PTPRN2: variants seen among roughly 807,000 people sequenced by gnomAD.
PTPRN2 encodes the protein receptor-type tyrosine-protein phosphatase N2.
PTPRN2 carries 74 observed loss-of-function variants against 118.8 expected under a neutral mutation model. That is an observed-to-expected ratio of 0.62 (90% CI 0.52 to 0.76). The LOEUF is 0.76. Ranked by LOEUF, PTPRN2 falls within the 30% of genes least tolerant of loss-of-function variation. The pLI is 0.00. For missense variants in PTPRN2, 1,481 were observed against 1,394.4 expected (o/e 1.06, Z -0.99); for synonymous variants, 641 against 608.0 (o/e 1.05, Z -0.80).
intron 2 of PTPRN2, among the ~76,000 whole-genome samples, chr7:158,351,045 G>A (rs1253897798): frequency 6.6e-6 from 1 of 152,186 alleles, no homozygotes; most frequent in East Asian, 1.9e-4. Flanking sequence ...CTCTTCCAGA[G>A]CCCACAGTTA....
rs376099761 is a variant in PTPRN2, at chr7:157,872,294, C to A, written c.1788+26379G>T. Among the ~76,000 whole-genome samples the A allele has an allele frequency of 3.7e-3, 544 of 147,016 alleles. 4 individuals carry two copies. Among genetic ancestry groups the A allele is most frequent in the African/African-American group, 0.013 (491 of 38,500 alleles). On this transcript the variant is annotated intron_variant, in intron 12 of 22. Coordinates refer to ENST00000389418, the MANE Select transcript of PTPRN2 (RefSeq NM_002847.5). ...ACACACACATACCCAGTGTCCTCCCCACACACGCATACCCAGTGTCCTCCC... is the reference window on the plus strand; with the variant it reads ...ACACACACATACCCAGTGTCCTCCCAACACACGCATACCCAGTGTCCTCCC...
chr7:158,281,736 C>G (rs1049749876), intron 3 of PTPRN2, among the ~76,000 whole-genome samples: 2 of 152,170 alleles, frequency 1.3e-5, no homozygotes, highest in Admixed American at 6.5e-5. Context: ...CCCAAGGAGT[C>G]CAGGAGCCAG....
In PTPRN2 at chr7:158,134,262, C is replaced by T. The variant is rs138260181; in HGVS notation, c.1174-203G>A. 1.5e-4 allele frequency among the ~76,000 whole-genome samples: 23 copies of T among 152,176 alleles called. 1 individual carries two copies. Among genetic ancestry groups the T allele is most frequent in the African/African-American group, 4.6e-4 (19 of 41,496 alleles). ...ATGAGGTGTGAGGGCGCTGAGTATC[C>T]GAATCACTTACGTGCTGTTTTCTCC... is the stretch of plus-strand genomic sequence containing the variant. On this transcript the variant is annotated intron_variant, in intron 8 of 22. Coordinates refer to ENST00000389418, the MANE Select transcript of PTPRN2 (RefSeq NM_002847.5).
intron 12 of PTPRN2, among the ~76,000 whole-genome samples, chr7:157,769,225 A>G (rs139797900): frequency 1.3e-4 from 20 of 152,206 alleles, no homozygotes; most frequent in African/African-American, 4.3e-4. Context: ...GCAAGGACCA[A>G]CACATGCCGG....
chr7:157,937,805 G>A (rs904399492), intron 11 of PTPRN2, among the ~76,000 whole-genome samples: 4 of 152,202 alleles, frequency 2.6e-5, no homozygotes, highest in Non-Finnish European at 2.9e-5. Context: ...ACAGTCCTGC[G>A]TATCTGCAAT....
chr7:158,013,240 T>G (rs1453126925), intron 11 of PTPRN2, among the ~76,000 whole-genome samples: 1 of 152,230 alleles, frequency 6.6e-6, no homozygotes, highest in Admixed American at 6.5e-5. Context: ...CATGGCCCTG[T>G]GCCTTCTTTT....
intron 3 of PTPRN2, among the ~76,000 whole-genome samples, chr7:158,207,374 G>A (rs1827239110): frequency 6.6e-6 from 1 of 151,934 alleles, no homozygotes; most frequent in Non-Finnish European, 1.5e-5. Context: ...GATCCCTGAG[G>A]AATCGCCACA....
intron 12 of PTPRN2, among the ~76,000 whole-genome samples, chr7:157,762,524 C>T (rs947910677): frequency 7.0e-6 from 1 of 142,002 alleles, no homozygotes; most frequent in African/African-American, 2.7e-5. Flanking sequence ...TATTCTCACT[C>T]ATAGGTGGGA....
chr7:158,336,083 A>C (rs373601101), intron 2 of PTPRN2, among the ~76,000 whole-genome samples: 2,221 of 5,940 alleles, frequency 0.37, 1,074 homozygotes, highest in African/African-American at 0.89. Flanking sequence ...AGAAGTGACA[A>C]CTGCAGACAT....
intron 12 of PTPRN2, among the ~76,000 whole-genome samples, chr7:157,796,414 C>T (rs1011182564): frequency 6.6e-6 from 1 of 152,242 alleles, no homozygotes; most frequent in African/African-American, 2.4e-5. Context: ...TCTGCTGCCC[C>T]TGCGGGGTAA....
intron 2 of PTPRN2, among the ~76,000 whole-genome samples, chr7:158,418,632 GTAC>G (rs1814987984): frequency 1.4e-5 from 2 of 146,766 alleles, no homozygotes; most frequent in Non-Finnish European, 3.0e-5. Flanking sequence ...AAGTCACGGT[GTAC>G]TACATCAAGA....
intron 5 of PTPRN2, among the ~76,000 whole-genome samples, chr7:158,190,993 C>T (rs1825716922): frequency 6.6e-6 from 1 of 152,276 alleles, no homozygotes; most frequent in South Asian, 2.1e-4. Flanking sequence ...TCAGCTTCCT[C>T]ACCTGCCTGC....
At position 157,929,347 on chromosome 7, in the gene PTPRN2, G is replaced by T. The variant is rs1799228225; in HGVS notation, c.1724-30610C>A. Reference sequence around the variant, plus strand: ...GGGGATGCTGGACAGGCATTCAGGAGACACAAATGTCAACTCCTCTGTGGG... The same window carrying T: ...GGGGATGCTGGACAGGCATTCAGGATACACAAATGTCAACTCCTCTGTGGG... On this transcript the variant is annotated intron_variant, in intron 11 of 22. Coordinates refer to ENST00000389418, the MANE Select transcript of PTPRN2 (RefSeq NM_002847.5). The surrounding 1 kb of genome is among the most constrained non-coding windows in gnomAD (Gnocchi z 4.4). Among the ~76,000 whole-genome samples the T allele has an allele frequency of 6.6e-6, 1 of 151,870 alleles. No homozygotes were observed. Among genetic ancestry groups the T allele is most frequent in the African/African-American group, 2.4e-5 (1 of 41,392 alleles).
chr7:157,935,422 G>C (rs1459200321), intron 11 of PTPRN2, among the ~76,000 whole-genome samples: 1 of 152,158 alleles, frequency 6.6e-6, no homozygotes, highest in Non-Finnish European at 1.5e-5. Flanking sequence ...CCGCTGTAAA[G>C]CCCATGCAGT....
intron 3 of PTPRN2, among the ~76,000 whole-genome samples, chr7:158,303,834 C>T (rs1458413742): frequency 1.3e-5 from 2 of 152,252 alleles, no homozygotes; most frequent in South Asian, 2.1e-4. Context: ...TCAGGGCTGA[C>T]AACTACTGCT....
At chr7:158,532,364 C>T (rs1316214683) in intron 1 of PTPRN2, among the ~76,000 whole-genome samples, 1 of 152,204 alleles carries the variant, frequency 6.6e-6, no homozygotes, top group Non-Finnish European at 1.5e-5. Flanking sequence ...CAGCCCCCAG[C>T]GTGGCTCCTG....
Position 157,674,083 on chromosome 7 carries a change from T to C in PTPRN2, c.2001+8642A>G, listed in dbSNP as rs1796544242. ...ACCCAGACCCAAGGTGTCCAATCCT[T>C]AGGGGTGACCCTCGGGCCAACACCA... On this transcript the variant is annotated intron_variant, in intron 13 of 22. Transcript: ENST00000389418. The surrounding 1 kb of genome is among the most constrained non-coding windows in gnomAD (Gnocchi z 4.5). 6.6e-6 allele frequency among the ~76,000 whole-genome samples: 1 copy of C among 152,074 alleles called. No individual in the cohort carries two copies. The highest frequency in any genetic ancestry group is 2.4e-5 in the African/African-American group (1 of 41,414).
intron 12 of PTPRN2, among the ~76,000 whole-genome samples, chr7:157,685,257 C>T (rs1170653982): frequency 6.6e-6 from 1 of 151,968 alleles, no homozygotes. Context: ...GCGACCCCGG[C>T]CCCGCTGCCC....
At chr7:158,249,810 C>T (rs1796545572) in intron 3 of PTPRN2, among the ~76,000 whole-genome samples, 1 of 152,252 alleles carries the variant, frequency 6.6e-6, no homozygotes, top group Non-Finnish European at 1.5e-5. Context: ...CTTTGACAGA[C>T]ATGCACTGAA....
Sources: allele counts gnomAD v4.1 joint callset (sites outside exome capture counted in the v4.1 genomes callset), GRCh38; gene constraint gnomAD v4.1.1; non-coding constraint Gnocchi (gnomAD v3.1); transcripts MANE v1.5; gene names NCBI Gene and HGNC (gene_info 2026-07-23, HGNC 2026-07-21).